ZNF385D: variants seen among roughly 807,000 people sequenced by gnomAD.
ZNF385D encodes the protein zinc finger protein 659.
Under a neutral mutation model 35.8 loss-of-function variants are expected in ZNF385D, and 15 were observed. The ratio of observed to expected loss-of-function variants is 0.42; its 90% confidence interval spans 0.28 to 0.64. ZNF385D has a LOEUF of 0.64. Ranked by LOEUF, ZNF385D falls within the 30% of genes least tolerant of loss-of-function variation. The pLI, the probability that ZNF385D is intolerant of heterozygous loss-of-function variation, is 0.23. For synonymous variants in ZNF385D, 212 were observed against 186.8 expected (o/e 1.13, Z -1.10); for missense variants, 474 against 494.6 (o/e 0.96, Z 0.39).
intron 3 of ZNF385D, among the ~76,000 whole-genome samples, chr3:22,030,829 T>A (rs1697954947): frequency 6.6e-6 from 1 of 152,178 alleles, no homozygotes; most frequent in African/African-American, 2.4e-5. Flanking sequence ...CTGAGACAAG[T>A]CCCTTCTACC....
intron 2 of ZNF385D, among the ~76,000 whole-genome samples, chr3:21,643,388 A>G (rs1168347711): frequency 6.6e-6 from 1 of 152,126 alleles, no homozygotes; most frequent in Non-Finnish European, 1.5e-5. Flanking sequence ...AAAATAGGCA[A>G]AAGGAAACTT....
At chr3:21,756,103 G>A (rs993789460), upstream of ZNF385D, among the ~76,000 whole-genome samples, 1 of 152,174 alleles carries the variant, frequency 6.6e-6, no homozygotes, top group African/African-American at 2.4e-5. Context: ...CACTATGACT[G>A]ACGTATGAAG....
chr3:22,072,033 T>C (rs6775833), intron 3 of ZNF385D, among the ~76,000 whole-genome samples: 2,076 of 152,256 alleles, frequency 0.014, 54 homozygotes, highest in African/African-American at 0.048. Flanking sequence ...CAATAATTTA[T>C]ACCTGTAATA....
At chr3:21,424,835 C>T (rs1205402378) in intron 6 of ZNF385D, among the ~76,000 whole-genome samples, 1 of 151,816 alleles carries the variant, frequency 6.6e-6, no homozygotes, top group Non-Finnish European at 1.5e-5. Flanking sequence ...AAATGTCAAA[C>T]CCTTAAATTC....
chr3:22,214,604 A>C (rs1021771482), intron 2 of ZNF385D, among the ~76,000 whole-genome samples: 7 of 152,014 alleles, frequency 4.6e-5, no homozygotes, highest in African/African-American at 1.7e-4. Flanking sequence ...AGACCTCTAA[A>C]ATGGCCGCTT....
chr3:21,946,740 G>C (rs1299608783), intron 3 of ZNF385D, among the ~76,000 whole-genome samples: 3 of 152,172 alleles, frequency 2.0e-5, no homozygotes, highest in Non-Finnish European at 4.4e-5. Context: ...GCTGAAGCAG[G>C]AGAAACACTT....
intron 3 of ZNF385D, among the ~76,000 whole-genome samples, chr3:22,139,457 C>G (rs1358213990): frequency 6.6e-6 from 1 of 151,988 alleles, no homozygotes; most frequent in Non-Finnish European, 1.5e-5. Context: ...GAGTTCATGT[C>G]CTTTGTAGGG....
chr3:21,462,721 C>T (rs1218838911), intron 4 of ZNF385D, among the ~76,000 whole-genome samples: 1 of 152,194 alleles, frequency 6.6e-6, no homozygotes, highest in Non-Finnish European at 1.5e-5. Flanking sequence ...GTGGCTTACG[C>T]CTGTAATCCT....
chr3:22,081,838 T>G (rs1483551442), intron 3 of ZNF385D, among the ~76,000 whole-genome samples: 1 of 152,156 alleles, frequency 6.6e-6, no homozygotes, highest in Non-Finnish European at 1.5e-5. Flanking sequence ...AAAATACAAT[T>G]GTGTATGAAT....
chr3:22,359,811 T>C (rs916582699), intron 2 of ZNF385D, among the ~76,000 whole-genome samples: 2 of 151,960 alleles, frequency 1.3e-5, no homozygotes, highest in Non-Finnish European at 2.9e-5. Flanking sequence ...ATGAAACATA[T>C]ATAAACAAAT....
chr3:22,059,976 C>T (rs1393724090), intron 3 of ZNF385D, among the ~76,000 whole-genome samples: 4 of 152,076 alleles, frequency 2.6e-5, no homozygotes, highest in Non-Finnish European at 5.9e-5. Context: ...GGGAGGGTGA[C>T]TTTTCTCTTT....
chr3:22,236,282 T>G (rs1334580342), intron 2 of ZNF385D, among the ~76,000 whole-genome samples: 5 of 152,154 alleles, frequency 3.3e-5, no homozygotes, highest in Admixed American at 1.3e-4. Context: ...ATAGAAGCAT[T>G]TCAAGTTATT....
intron 2 of ZNF385D, among the ~76,000 whole-genome samples, chr3:21,604,520 A>G (rs911486715): frequency 1.3e-5 from 2 of 152,204 alleles, no homozygotes; most frequent in Admixed American, 1.3e-4. Context: ...TCAGCAAAGA[A>G]CACAGAAAAG....
intron 3 of ZNF385D, among the ~76,000 whole-genome samples, chr3:21,820,904 A>T (rs1052481319): frequency 2.0e-5 from 3 of 151,844 alleles, no homozygotes; most frequent in Non-Finnish European, 2.9e-5. Flanking sequence ...TAGTTTTGTG[A>T]TTAAAAAAAA....
intron 3 of ZNF385D, among the ~76,000 whole-genome samples, chr3:22,084,757 A>C (rs1700937965): frequency 6.6e-6 from 1 of 152,200 alleles, no homozygotes; most frequent in Non-Finnish European, 1.5e-5. Flanking sequence ...CTCCACCCCA[A>C]ATCAACAGAA....
chr3:22,135,296 C>A (rs1275043064), intron 3 of ZNF385D, among the ~76,000 whole-genome samples: 1 of 151,718 alleles, frequency 6.6e-6, no homozygotes, highest in Admixed American at 6.6e-5. Flanking sequence ...GATATAAGGT[C>A]AACACACACA....
intron 3 of ZNF385D, among the ~76,000 whole-genome samples, chr3:21,824,988 A>G (rs1559661931): frequency 6.6e-6 from 1 of 152,202 alleles, no homozygotes; most frequent in Non-Finnish European, 1.5e-5. Context: ...TAGGAAATTA[A>G]TATGTTCAGA....
At chr3:22,113,433 T>C (rs1302619875) in intron 3 of ZNF385D, among the ~76,000 whole-genome samples, 2 of 152,122 alleles carry the variant, frequency 1.3e-5, no homozygotes, top group Non-Finnish European at 2.9e-5. Context: ...CAATGAATTA[T>C]CAGAACTATA....
chr3:22,254,626 C>G (rs1700223395), intron 2 of ZNF385D, among the ~76,000 whole-genome samples: 1 of 151,680 alleles, frequency 6.6e-6, no homozygotes, highest in Non-Finnish European at 1.5e-5. Flanking sequence ...GTACTGAACC[C>G]TGTATATTTT....
Sources: allele counts gnomAD v4.1 joint callset (sites outside exome capture counted in the v4.1 genomes callset), GRCh38; gene constraint gnomAD v4.1.1; transcripts MANE v1.5; gene names NCBI Gene and HGNC (gene_info 2026-07-23, HGNC 2026-07-21).